CCKAR: variants seen among roughly 807,000 people sequenced by gnomAD.
The protein encoded by CCKAR is cholecystokinin A receptor, also known as cholecystokinin receptor type A.
A neutral mutation model predicts 29.8 loss-of-function variants in CCKAR; 21 were observed. That is an observed-to-expected ratio of 0.70 (90% CI 0.50 to 1.01). The LOEUF is 1.01. Among genes scored for constraint, CCKAR ranks in the 50% least tolerant of loss-of-function variants. CCKAR has a pLI of 0.00. For synonymous variants in CCKAR, 238 were observed against 221.3 expected (o/e 1.08, Z -0.67); for missense variants, 570 against 560.6 (o/e 1.02, Z -0.17).
At chr4:26,486,254 T>C (rs990306906) in intron 2 of CCKAR, among the ~76,000 whole-genome samples, 9 of 152,192 alleles carry the variant, frequency 5.9e-5, no homozygotes, top group African/African-American at 1.9e-4. Context: ...CTCTAAAATC[T>C]GAAGAAAAGC....
chr4:26,484,006 G>C (rs1443585566), intron 3 of CCKAR, among the ~76,000 whole-genome samples: 1 of 152,166 alleles, frequency 6.6e-6, no homozygotes, highest in African/African-American at 2.4e-5. Flanking sequence ...CATTTACGTG[G>C]GCGTCCATTC....
In CCKAR at chr4:26,483,169, C is replaced by T. The variant is rs1162270319; in HGVS notation, c.741G>A (p.Lys247=). Residue 247 remains lysine (K), a synonymous_variant, in exon 4 of 5, where the codon AAG becomes AAA. Transcript: ENST00000295589. Reference sequence around the variant, plus strand: ...CAAGATAGTTACCTTTAGCAGACTTCTTCTGGCTAGCCTCAAATTTTATTC... The same window carrying T: ...CAAGATAGTTACCTTTAGCAGACTTTTTCTGGCTAGCCTCAAATTTTATTC... The part of the protein sequence containing the change: ...YQGIKFEASQ[K]KSAKERKPST... 2 of 1,613,524 alleles carry T rather than the reference C, an allele frequency of 1.2e-6. No homozygotes were observed. The highest frequency in any genetic ancestry group is 1.7e-6 in the Non-Finnish European group (2 of 1,179,874).
chr4:26,481,561 T>G lies in CCKAR; in HGVS notation c.*77A>C. The G allele has an allele frequency of 6.6e-7, 1 of 1,507,114 alleles. No homozygotes were observed. 93.4% of individuals were successfully genotyped at this position (1,507,114 alleles called of 1,614,324 possible). ...TTCTCCATCAGCTCTGCTCCTTCTCTTCCTGATCTCTTCTTCCGTTCTTTC... is the reference window on the plus strand; with the variant it reads ...TTCTCCATCAGCTCTGCTCCTTCTCGTCCTGATCTCTTCTTCCGTTCTTTC... On this transcript the variant is annotated 3_prime_UTR_variant, in exon 5 of 5. Coordinates refer to ENST00000295589, the MANE Select transcript of CCKAR (RefSeq NM_000730.3).
In CCKAR at chr4:26,483,340, G is replaced by GGGAA; in HGVS notation, c.627-61_627-58dup. On this transcript the variant is annotated intron_variant, in intron 3 of 4. Coordinates refer to ENST00000295589, the MANE Select transcript of CCKAR (RefSeq NM_000730.3). ...CAACTTTAGACCTTCAAACTCAAATGGGAAGGAATGAATAGGGTTTATGTT... is the reference window on the plus strand; with the variant it reads ...CAACTTTAGACCTTCAAACTCAAATGGGAAGGAAGGAATGAATAGGGTTTATGTT... 12 of 1,560,578 alleles carry GGGAA rather than the reference G, an allele frequency of 7.7e-6. 1 individual carries two copies. The South Asian group carries it at 1.4e-4, about 18-fold the overall frequency.
At position 26,484,660 on chromosome 4, in the gene CCKAR, A is replaced by G. The variant is rs191275118; in HGVS notation, c.626+977T>C. ...GAAACTTGCGTTTTTATTTCTGGTAAAATGCTCTGGGTAAGTACCGGAGCT... is the reference window on the plus strand; with the variant it reads ...GAAACTTGCGTTTTTATTTCTGGTAGAATGCTCTGGGTAAGTACCGGAGCT... On this transcript the variant is annotated intron_variant, in intron 3 of 4. Coordinates refer to ENST00000295589, the MANE Select transcript of CCKAR (RefSeq NM_000730.3). Among the ~76,000 whole-genome samples the G allele has an allele frequency of 2.0e-5, 3 of 152,246 alleles. No homozygotes were observed. In the East Asian group the frequency reaches 5.8e-4, roughly 30 times the overall value.
At chr4:26,487,678 A>G (rs1381035478) in intron 2 of CCKAR, among the ~76,000 whole-genome samples, 1 of 152,208 alleles carries the variant, frequency 6.6e-6, no homozygotes, top group African/African-American at 2.4e-5. Context: ...AATATTTTTT[A>G]TGCAGTTGAA....
chr4:26,489,488 C>T lies in CCKAR; in HGVS notation c.113-4G>A, dbSNP rs1388448633. 3 of 1,612,868 alleles carry T rather than the reference C, an allele frequency of 1.9e-6. No homozygotes were observed. The highest frequency in any genetic ancestry group is 2.5e-6 in the Non-Finnish European group (3 of 1,179,104). The stretch of plus-strand genomic sequence containing the variant: ...ATCTGCACCGCTGGCTGCCACTCTG[C>T]AGAGAGAAACAGGAGCAAGACGGAG... On this transcript the variant is annotated splice_polypyrimidine_tract_variant and splice_region_variant and intron_variant, in intron 1 of 4. Transcript: ENST00000295589.
At chr4:26,484,678 C>G (rs1255203619) in intron 3 of CCKAR, among the ~76,000 whole-genome samples, 1 of 151,998 alleles carries the variant, frequency 6.6e-6, no homozygotes, top group Non-Finnish European at 1.5e-5. Context: ...TGGGTAAGTA[C>G]CGGAGCTGCT....
intron 2 of CCKAR, among the ~76,000 whole-genome samples, chr4:26,487,239 T>C (rs190436791): frequency 1.3e-5 from 2 of 152,326 alleles, no homozygotes; most frequent in South Asian, 4.1e-4. Context: ...GGATATAAAC[T>C]AATTCTCTGA....
At chr4:26,489,755 T>A (rs1219994516) in intron 1 of CCKAR, among the ~76,000 whole-genome samples, 3 of 152,232 alleles carry the variant, frequency 2.0e-5, no homozygotes, top group Non-Finnish European at 4.4e-5. Context: ...CAGTGATCAC[T>A]TTCTTTCCTG....
intron 2 of CCKAR, among the ~76,000 whole-genome samples, chr4:26,486,407 T>C (rs1737451166): frequency 6.6e-6 from 1 of 152,226 alleles, no homozygotes. Context: ...ATACTGTTCT[T>C]AATAGTGAAA....
At position 26,485,755 on chromosome 4, in the gene CCKAR, AGGAAAGGCACCAG is replaced by A; in HGVS notation, c.495_507del (p.Trp166LeufsTer4). 6.2e-7 allele frequency: 1 copy of A among 1,614,180 alleles called. No individual in the cohort carries two copies. The highest frequency in any genetic ancestry group is 8.5e-7 in the Non-Finnish European group (1 of 1,180,032). On this transcript the variant is annotated frameshift_variant, in exon 3 of 5. Transcript: ENST00000295589. LOFTEE classifies it high-confidence loss of function. ...ATGGGGTACGGAGTCATGATGGTAA[AGGAAAGGCACCAG>A]GTAGCAGCAATCACCTTCAAAGCAT...
chr4:26,483,390 CAT>C, intron 3 of CCKAR, 107 bp from the exon 4 acceptor site: 1 of 1,015,060 alleles, frequency 9.9e-7, no homozygotes. Context: ...TGAGCAAACA[CAT>C]TAATTACTAG....
At chr4:26,487,641 T>C (rs564609238) in intron 2 of CCKAR, among the ~76,000 whole-genome samples, 1 of 152,360 alleles carries the variant, frequency 6.6e-6, no homozygotes, top group South Asian at 2.1e-4. Context: ...ACTTTCAGAA[T>C]GATGTTGCTT....
chr4:26,488,539 AT>A (rs1737491391), intron 2 of CCKAR, among the ~76,000 whole-genome samples: 1 of 152,192 alleles, frequency 6.6e-6, no homozygotes, highest in Non-Finnish European at 1.5e-5. Context: ...CATTATCATC[AT>A]TTTTGTTTGG....
chr4:26,485,485 C>A (rs1198267438), intron 3 of CCKAR, 152 bp downstream of exon 3: 1 of 708,820 alleles, frequency 1.4e-6, no homozygotes, highest in African/African-American at 1.8e-5. Flanking sequence ...TGTTTGCTAT[C>A]GTGATTATCC....
At chr4:26,488,266 G>T (rs1417332192) in intron 2 of CCKAR, among the ~76,000 whole-genome samples, 1 of 152,190 alleles carries the variant, frequency 6.6e-6, no homozygotes, top group African/African-American at 2.4e-5. Context: ...AACCACAGCA[G>T]TTGGCAAACT....
In CCKAR at chr4:26,485,749, T is replaced by A; in HGVS notation, c.514A>T (p.Ile172Phe). 1 of 1,614,114 alleles carries A rather than the reference T, an allele frequency of 6.2e-7. No homozygotes were observed. The highest frequency in any genetic ancestry group is 8.5e-7 in the Non-Finnish European group (1 of 1,180,032). Residue 172 changes from isoleucine to phenylalanine, a missense_variant, in exon 3 of 5, where the codon ATC (isoleucine) becomes TTC (phenylalanine). By Grantham distance (21) the Ile-to-Phe change is conservative. Coordinates refer to ENST00000295589, the MANE Select transcript of CCKAR (RefSeq NM_000730.3). ...CTATAAATGGGGTACGGAGTCATGATGGTAAAGGAAAGGCACCAGGTAGCA... is the reference window on the plus strand; with the variant it reads ...CTATAAATGGGGTACGGAGTCATGAAGGTAAAGGAAAGGCACCAGGTAGCA... Reference protein sequence around the residue: ...IAATWCLSFTIMTPYPIYSNL... With the variant: ...IAATWCLSFTFMTPYPIYSNL...
intron 3 of CCKAR, among the ~76,000 whole-genome samples, chr4:26,484,255 A>C (rs774813371): frequency 6.6e-6 from 1 of 152,192 alleles, no homozygotes; most frequent in Non-Finnish European, 1.5e-5. Flanking sequence ...TGTTTTGATA[A>C]GATTCCTTTT....
Sources: allele counts gnomAD v4.1 joint callset (sites outside exome capture counted in the v4.1 genomes callset), GRCh38; gene constraint gnomAD v4.1.1; transcripts MANE v1.5; gene names NCBI Gene and HGNC (gene_info 2026-07-23, HGNC 2026-07-21).